Variants in RAB27B observed in about 807,000 individuals in gnomAD.
RAB27B encodes the protein ras-related protein Rab-27B.
In RAB27B, 15 loss-of-function variants were observed where a neutral mutation model predicts 24.6. That is an observed-to-expected ratio of 0.61 (90% CI 0.41 to 0.94). The LOEUF (loss-of-function observed/expected upper bound fraction) is 0.94, where lower values mean the gene tolerates loss of function less well. Among genes scored for constraint, RAB27B ranks in the 40% least tolerant of loss-of-function variants. RAB27B has a pLI of 0.00. For synonymous variants in RAB27B, 105 were observed against 92.5 expected, an observed-to-expected ratio of 1.14 and a Z score of -0.78; for missense variants, 261 against 266.8, an observed-to-expected ratio of 0.98 and a Z score of 0.15.
chr18:54,881,552 T>G (rs1912925613), intron 3 of RAB27B, among the ~76,000 whole-genome samples: 1 of 152,182 alleles, frequency 6.6e-6, no homozygotes, highest in African/African-American at 2.4e-5. Flanking sequence ...TTTCAGTGTT[T>G]CAGCAAGTTA....
At chr18:54,788,325 G>A (rs1909152218) in intron 2 of RAB27B, among the ~76,000 whole-genome samples, 1 of 152,118 alleles carries the variant, frequency 6.6e-6, no homozygotes, top group African/African-American at 2.4e-5. Context: ...GTTGTTTTGA[G>A]AGAGTCTCAC....
chr18:54,837,647 A>T (rs950301249), intron 1 of RAB27B, among the ~76,000 whole-genome samples: 1 of 152,140 alleles, frequency 6.6e-6, no homozygotes, highest in African/African-American at 2.4e-5. Flanking sequence ...CCTGGAAAGA[A>T]GGAGGTGGAG....
At chr18:54,826,436 C>T (rs1041816438), upstream of RAB27B, among the ~76,000 whole-genome samples, 8 of 152,148 alleles carry the variant, frequency 5.3e-5, no homozygotes, top group Non-Finnish European at 1.2e-4. Context: ...TTCCTTGGAA[C>T]CCCTCTTCCC....
rs74449749 is a variant in RAB27B, at chr18:54,869,697, A to G, written c.-19-7870A>G. 3.8e-3 allele frequency among the ~76,000 whole-genome samples: 581 copies of G among 152,362 alleles called. 4 individuals carry two copies. The highest frequency in any genetic ancestry group is 0.014 in the African/African-American group (569 of 41,586). Reference sequence around the variant, plus strand: ...AACCTAGGTTATATTATTAATAAAAATAAACTCTTGAAGAAATAACACTGG... The same window carrying G: ...AACCTAGGTTATATTATTAATAAAAGTAAACTCTTGAAGAAATAACACTGG... On this transcript the variant is annotated intron_variant, in intron 1 of 5. Coordinates refer to ENST00000262094, the MANE Select transcript of RAB27B (RefSeq NM_004163.4).
chr18:54,753,273 A>G (rs1179910154), intron 2 of RAB27B, among the ~76,000 whole-genome samples: 1 of 152,202 alleles, frequency 6.6e-6, no homozygotes, highest in Non-Finnish European at 1.5e-5. Flanking sequence ...ATGCCCCTAC[A>G]AAACTCAGAG....
intron 1 of RAB27B, among the ~76,000 whole-genome samples, chr18:54,867,446 T>TCTTTTCTTTTC: frequency 1.1e-5 from 1 of 88,364 alleles, no homozygotes; most frequent in African/African-American, 3.6e-5. Context: ...TCTTTTCTTT[T>TCTTTTCTTTTC]TTTTTTTTTT....
chr18:54,733,025 T>C (rs1909773646), intron 2 of RAB27B, among the ~76,000 whole-genome samples: 1 of 152,060 alleles, frequency 6.6e-6, no homozygotes, highest in South Asian at 2.1e-4. Context: ...ACTCATCACC[T>C]GTTTTGTAAA....
At chr18:54,813,464 C>T (rs1019110195) in intron 2 of RAB27B, among the ~76,000 whole-genome samples, 2 of 152,120 alleles carry the variant, frequency 1.3e-5, no homozygotes, top group African/African-American at 4.8e-5. Flanking sequence ...GCTTCGTGCC[C>T]TCCCCATGGT....
chr18:54,736,881 G>A (rs1909913966), intron 2 of RAB27B, among the ~76,000 whole-genome samples: 1 of 152,100 alleles, frequency 6.6e-6, no homozygotes, highest in Non-Finnish European at 1.5e-5. Flanking sequence ...GAACAAATAA[G>A]CTATGTTTTG....
intron 1 of RAB27B, among the ~76,000 whole-genome samples, chr18:54,854,254 C>A (rs1911696221): frequency 6.6e-6 from 1 of 152,180 alleles, no homozygotes; most frequent in African/African-American, 2.4e-5. Context: ...AAAGGGAAGA[C>A]AGGGGCTTGA....
At chr18:54,857,731 A>G (rs185636497) in intron 1 of RAB27B, among the ~76,000 whole-genome samples, 208 of 141,896 alleles carry the variant, frequency 1.5e-3, no homozygotes, top group Admixed American at 2.8e-3. Context: ...TGCAGACGCA[A>G]TGTGCACATG....
intron 3 of RAB27B, chr18:54,879,701 G>A: frequency 2.6e-6 from 1 of 390,670 alleles, no homozygotes; most frequent in South Asian, 5.1e-5. Flanking sequence ...GCTATGCACT[G>A]TCTTTGCACT....
chr18:54,833,525 C>A (rs1047089162), intron 1 of RAB27B, among the ~76,000 whole-genome samples: 1 of 152,078 alleles, frequency 6.6e-6, no homozygotes, highest in African/African-American at 2.4e-5. Flanking sequence ...CTGCACCCGG[C>A]CATGAATCCC....
intron 2 of RAB27B, among the ~76,000 whole-genome samples, chr18:54,793,344 C>A (rs764527976): frequency 2.0e-5 from 3 of 152,176 alleles, no homozygotes; most frequent in Non-Finnish European, 4.4e-5. Flanking sequence ...GATCTCACAC[C>A]TTCTCATTTC....
At chr18:54,821,231 A>G (rs563127657) in intron 2 of RAB27B, among the ~76,000 whole-genome samples, 132 of 152,330 alleles carry the variant, frequency 8.7e-4, no homozygotes, top group Non-Finnish European at 1.5e-3. Context: ...AAGCATTCTT[A>G]TACACAAATA....
At chr18:54,730,743 G>T (rs979756950) in intron 2 of RAB27B, among the ~76,000 whole-genome samples, 1 of 152,096 alleles carries the variant, frequency 6.6e-6, no homozygotes, top group Non-Finnish European at 1.5e-5. Context: ...ATGAGTAAAA[G>T]CTTCCTGAGG....
intron 2 of RAB27B, among the ~76,000 whole-genome samples, chr18:54,722,208 AT>A (rs1250431595): frequency 2.0e-5 from 3 of 152,266 alleles, no homozygotes; most frequent in African/African-American, 7.2e-5. Context: ...CTTTCTTTAA[AT>A]TTTTTGGGTG....
At chr18:54,865,804 C>G (rs1367984169) in intron 1 of RAB27B, among the ~76,000 whole-genome samples, 3 of 152,198 alleles carry the variant, frequency 2.0e-5, no homozygotes, top group Non-Finnish European at 4.4e-5. Context: ...GCAATAAACA[C>G]TTCAACTATA....
At position 54,881,503 on chromosome 18, in the gene RAB27B, C is replaced by T. The variant is rs116048607; in HGVS notation, c.239+2049C>T. On this transcript the variant is annotated intron_variant, in intron 3 of 5. Transcript: ENST00000262094. Reference sequence around the variant, plus strand: ...TCCAGTCGGCCATATCGGTTCCAGTCGATTTCAGCCAGTTCTCTTATCTTA... The same window carrying T: ...TCCAGTCGGCCATATCGGTTCCAGTTGATTTCAGCCAGTTCTCTTATCTTA... 4.0e-3 allele frequency among the ~76,000 whole-genome samples: 608 copies of T among 152,152 alleles called. 2 individuals carry two copies. Among genetic ancestry groups the T allele is most frequent in the African/African-American group, 0.014 (591 of 41,516 alleles).
Sources: gnomAD v4.1 joint callset for allele counts (sites outside exome capture counted in the v4.1 genomes callset) on GRCh38, gnomAD v4.1.1 for gene constraint, MANE v1.5 for transcripts, NCBI Gene and HGNC (gene_info 2026-07-23, HGNC 2026-07-21) for gene names.